The following SLC7A5 variants were observed in gnomAD, a reference collection of about 807,000 sequenced individuals.
SLC7A5 encodes the protein large neutral amino acids transporter small subunit 1.
SLC7A5 carries 23 observed loss-of-function variants against 50.2 expected under a neutral mutation model. The ratio of observed to expected loss-of-function variants is 0.46; its 90% CI spans 0.33 to 0.65. The LOEUF is 0.65. Among genes scored for constraint, SLC7A5 ranks in the 30% least tolerant of loss-of-function variants. The pLI, the probability that SLC7A5 is intolerant of heterozygous loss-of-function variation, is 0.02. For missense variants in SLC7A5, 578 were observed against 684.4 expected, an observed-to-expected ratio of 0.84 and a Z score of 1.73; for synonymous variants, 393 against 330.6, an observed-to-expected ratio of 1.19 and a Z score of -2.05.
Position 87,833,177 on chromosome 16 carries a change from C to T in SLC7A5, c.1469-152G>A, listed in dbSNP as rs1231233025. On this transcript the variant is annotated intron_variant, in intron 9 of 9. Transcript: ENST00000261622. The surrounding 1 kb of genome is among the most constrained non-coding windows in gnomAD (Gnocchi z 6.0). ...ATTTTAAGGAACCTTCCCTTGTGTA[C>T]TTGCGCATGTGGGTGCCGGGTGCCC... 1.4e-6 allele frequency: 1 copy of T among 726,314 alleles called. No individual in the cohort carries two copies. The highest frequency in any genetic ancestry group is 2.6e-5 in the East Asian group (1 of 38,746). The allele number at this position is 726,314 out of a possible 1,614,324, so 45.0% of individuals were successfully genotyped here.
At chr16:87,866,525 G>C (rs962528561) in intron 1 of SLC7A5, among the ~76,000 whole-genome samples, 1 of 152,086 alleles carries the variant, frequency 6.6e-6, no homozygotes, top group African/African-American at 2.4e-5. Flanking sequence ...GAGTGCAGTG[G>C]TGCGATCTCA....
rs1208246261 is a variant in SLC7A5 at position 87,851,775 on chromosome 16, G to C, written c.613C>G (p.Leu205Val). The C allele has an allele frequency of 1.2e-6, 2 of 1,613,078 alleles. No homozygotes were observed. Among genetic ancestry groups the C allele is most frequent in the Non-Finnish European group, 1.7e-6 (2 of 1,179,976 alleles). The change falls in exon 2 of 10, where the codon CTC becomes GTC. Residue 205 changes from leucine (L) to valine (V), a missense_variant. Physicochemically the swap from Leu to Val is conservative, Grantham distance 32. This residue lies in a region of SLC7A5 where 465 missense variants were observed against 594.6 expected (regional missense o/e 0.78). Transcript: ENST00000261622. ...RVQDAFAAAK[L>V]LALALIILLG... ...AGGATGATCAGGGCCAGGGCCAGGAGCTTGGCGGCGGCAAAGGCATCCTGG... is the reference window on the plus strand; with the variant it reads ...AGGATGATCAGGGCCAGGGCCAGGACCTTGGCGGCGGCAAAGGCATCCTGG...
Position 87,860,351 on chromosome 16 carries a change from C to T in SLC7A5, c.539-8502G>A, listed in dbSNP as rs1169334941. ...AAAAAAAAAAAAAAATACACACACA[C>T]ACACACACACACACACACACACACA... On this transcript the variant is annotated intron_variant, in intron 1 of 9. Transcript: ENST00000261622. The surrounding 1 kb of genome is among the most constrained non-coding windows in gnomAD (Gnocchi z 4.8). 4.9e-3 allele frequency among the ~76,000 whole-genome samples: 151 copies of T among 30,900 alleles called. 2 individuals are homozygous for T. The highest frequency in any genetic ancestry group is 0.045 in the Middle Eastern group (2 of 44). The allele number at this position is 30,900 out of a possible 152,430, so 20.3% of individuals were successfully genotyped here.
chr16:87,842,726 C>G (rs1010359472), intron 2 of SLC7A5, among the ~76,000 whole-genome samples: 2 of 152,186 alleles, frequency 1.3e-5, no homozygotes, highest in African/African-American at 4.8e-5. Flanking sequence ...GCCTTGATCT[C>G]CTGAGAAGGA....
At chr16:87,856,281 C>A (rs1474234186) in intron 1 of SLC7A5, among the ~76,000 whole-genome samples, 1 of 152,208 alleles carries the variant, frequency 6.6e-6, no homozygotes, top group Non-Finnish European at 1.5e-5. Context: ...GGGGCTGGGG[C>A]AGAGATGGTC....
intron 2 of SLC7A5, among the ~76,000 whole-genome samples, chr16:87,847,899 G>A (rs998150627): frequency 9.8e-5 from 15 of 152,320 alleles, no homozygotes; most frequent in Admixed American, 2.0e-4. Context: ...TGGCACACAC[G>A]TATTTACCGC....
At chr16:87,844,773 T>C (rs962684087) in intron 2 of SLC7A5, among the ~76,000 whole-genome samples, 2 of 152,244 alleles carry the variant, frequency 1.3e-5, no homozygotes, top group African/African-American at 2.4e-5. Context: ...GACTTTCCAC[T>C]GTGCTGGGGC....
chr16:87,846,819 G>A (rs529241383), intron 2 of SLC7A5, among the ~76,000 whole-genome samples: 28 of 152,366 alleles, frequency 1.8e-4, no homozygotes, highest in Non-Finnish European at 3.1e-4. Flanking sequence ...CAGTCAGGGC[G>A]TGAGGTGAGG....
intron 1 of SLC7A5, among the ~76,000 whole-genome samples, chr16:87,865,326 A>C (rs2055446617): frequency 6.6e-6 from 1 of 152,248 alleles, no homozygotes; most frequent in Non-Finnish European, 1.5e-5. Flanking sequence ...GACCCTATTA[A>C]CATTAACCCT....
chr16:87,835,528 C>A (rs1032880595), intron 8 of SLC7A5, among the ~76,000 whole-genome samples: 3 of 152,234 alleles, frequency 2.0e-5, no homozygotes, highest in Admixed American at 1.3e-4. Context: ...CTCACTCTGT[C>A]GTCCAGGCTG....
intron 8 of SLC7A5, among the ~76,000 whole-genome samples, chr16:87,835,067 C>T (rs1318641509): frequency 6.6e-6 from 1 of 152,260 alleles, no homozygotes; most frequent in Non-Finnish European, 1.5e-5. Context: ...CAGATGAGCT[C>T]CACCCGGCAC....
At chr16:87,846,498 G>T (rs1464427062) in intron 2 of SLC7A5, among the ~76,000 whole-genome samples, 1 of 152,236 alleles carries the variant, frequency 6.6e-6, no homozygotes, top group Non-Finnish European at 1.5e-5. Flanking sequence ...GGCTGTACGT[G>T]GACATGGGGC....
Position 87,832,842 on chromosome 16 carries a change from G to A in SLC7A5, c.*128C>T, listed in dbSNP as rs2054949706. On this transcript the variant is annotated 3_prime_UTR_variant, in exon 10 of 10. Transcript: ENST00000261622. This position sits in a 1 kb window ranked among gnomAD's most constrained non-coding sequence, Gnocchi z 4.6. The stretch of plus-strand genomic sequence containing the variant: ...CAGCAGCCTCCACTGCCCGACCTGG[G>A]AGGGACGGCGAGGGACTGGGATGGG... The A allele has an allele frequency of 1.3e-6, 1 of 784,086 alleles. No individual in the cohort carries two copies. The highest frequency in any genetic ancestry group is 1.7e-5 in the African/African-American group (1 of 59,300). The allele number at this position is 784,086 out of a possible 1,614,324, so 48.6% of individuals were successfully genotyped here.
At chr16:87,840,320 G>A (rs76059171) in intron 4 of SLC7A5, 109 bp downstream of exon 4, 102 of 1,014,100 alleles carry the variant, frequency 1.0e-4, no homozygotes, top group Non-Finnish European at 1.4e-4. Context: ...ATCACGGCCC[G>A]ACTGTGAACT....
intron 3 of SLC7A5, 74 bp from the exon 4 acceptor site, chr16:87,840,547 C>T: frequency 1.5e-6 from 2 of 1,313,134 alleles, no homozygotes; most frequent in Non-Finnish European, 1.1e-6. Context: ...AGAGAGCATC[C>T]CAGGGCAGCT....
At chr16:87,839,174 T>C (rs1334420548) in intron 5 of SLC7A5, among the ~76,000 whole-genome samples, 1 of 152,286 alleles carries the variant, frequency 6.6e-6, no homozygotes, top group African/African-American at 2.4e-5. Flanking sequence ...TCAGAGCTTG[T>C]TCAGTAGGAA....
chr16:87,846,033 G>A (rs2055149993), intron 2 of SLC7A5, among the ~76,000 whole-genome samples: 1 of 151,306 alleles, frequency 6.6e-6, no homozygotes, highest in South Asian at 2.1e-4. Flanking sequence ...CAAGCGGCGG[G>A]TCAAGCATCC....
At chr16:87,867,888 G>A (rs1298746755) in intron 1 of SLC7A5, among the ~76,000 whole-genome samples, 1 of 152,108 alleles carries the variant, frequency 6.6e-6, no homozygotes, top group Non-Finnish European at 1.5e-5. Context: ...GGCCGAGGCG[G>A]GCGGATCACA....
intron 2 of SLC7A5, among the ~76,000 whole-genome samples, chr16:87,850,516 C>T (rs551633208): frequency 2.0e-5 from 3 of 152,358 alleles, no homozygotes; most frequent in Non-Finnish European, 2.9e-5. Flanking sequence ...GTGCATCCGC[C>T]GGGTGCCTGC....
Sources: allele counts gnomAD v4.1 joint callset (sites outside exome capture counted in the v4.1 genomes callset), GRCh38; gene constraint gnomAD v4.1.1; regional missense constraint gnomAD v4.1.1; non-coding constraint Gnocchi (gnomAD v3.1); transcripts MANE v1.5; gene names NCBI Gene and HGNC (gene_info 2026-07-23, HGNC 2026-07-21).